The following MAP7 variants were observed in gnomAD, a reference collection of about 807,000 sequenced individuals.
MAP7 encodes ensconsin.
A neutral mutation model predicts 94.8 loss-of-function variants in MAP7; 52 were observed. That is an observed-to-expected ratio of 0.55 (90% CI 0.44 to 0.69). The LOEUF is 0.69. MAP7 is among the 30% of genes least tolerant of loss of function. MAP7 has a pLI of 0.00. For missense variants in MAP7, 940 were observed against 964.6 expected, an observed-to-expected ratio of 0.97 and a Z score of 0.34; for synonymous variants, 350 against 357.0, an observed-to-expected ratio of 0.98 and a Z score of 0.22.
intron 1 of MAP7, among the ~76,000 whole-genome samples, chr6:136,516,895 G>C (rs1825022819): frequency 6.7e-6 from 1 of 150,340 alleles, no homozygotes; most frequent in Non-Finnish European, 1.5e-5. Context: ...ATTAGCATAG[G>C]ACATTGCCAT....
chr6:136,353,034 G>A (rs1319287682), intron 16 of MAP7, among the ~76,000 whole-genome samples: 1 of 152,148 alleles, frequency 6.6e-6, no homozygotes, highest in African/African-American at 2.4e-5. Context: ...GTCATATAAT[G>A]GGGACCAAAC....
At chr6:136,548,110 C>A (rs1442798538) in intron 1 of MAP7, among the ~76,000 whole-genome samples, 2 of 136,408 alleles carry the variant, frequency 1.5e-5, no homozygotes, top group African/African-American at 5.2e-5. Context: ...CCCCCCCACC[C>A]CCCCAACAAT....
intron 3 of MAP7, among the ~76,000 whole-genome samples, chr6:136,399,160 TGAG>T (rs1165922162): frequency 6.6e-6 from 1 of 152,292 alleles, no homozygotes; most frequent in Middle Eastern, 3.4e-3. Flanking sequence ...TGAGAACATC[TGAG>T]TTTGGGTCTT....
chr6:136,402,733 C>T lies in MAP7; in HGVS notation c.244+8887G>A, dbSNP rs368554561. On this transcript the variant is annotated intron_variant, in intron 3 of 17. Transcript: ENST00000354570. ...CATCCTGGCTAACACGGTGAAACCC[C>T]GTCTCTACTAAAAATACAAAAAATT... Among the ~76,000 whole-genome samples, 183 of 151,834 alleles carry T rather than the reference C, an allele frequency of 1.2e-3. 6 individuals carry two copies. The East Asian group carries it at 0.031, about 25-fold the overall frequency.
chr6:136,492,828 G>T (rs546541893), intron 1 of MAP7, among the ~76,000 whole-genome samples: 55 of 152,030 alleles, frequency 3.6e-4, no homozygotes, highest in Non-Finnish European at 5.4e-4. Flanking sequence ...TTACACCAAA[G>T]CCTGTTAGAG....
At chr6:136,398,251 C>A (rs1783066592) in intron 3 of MAP7, among the ~76,000 whole-genome samples, 1 of 152,202 alleles carries the variant, frequency 6.6e-6, no homozygotes, top group Non-Finnish European at 1.5e-5. Context: ...AAGCTATGTG[C>A]CACTGAACAA....
chr6:136,434,365 T>A (rs1340787542), intron 1 of MAP7, among the ~76,000 whole-genome samples: 2 of 150,408 alleles, frequency 1.3e-5, no homozygotes, highest in African/African-American at 4.9e-5. Flanking sequence ...TAATTTGTGA[T>A]CTGAAAATAT....
chr6:136,423,035 A>G (rs558331230), intron 1 of MAP7, among the ~76,000 whole-genome samples: 21 of 152,328 alleles, frequency 1.4e-4, no homozygotes, highest in Admixed American at 6.5e-4. Flanking sequence ...CCTAACTCAC[A>G]GAATTGTTGA....
intron 1 of MAP7, among the ~76,000 whole-genome samples, chr6:136,423,596 T>C (rs1268173697): frequency 1.3e-5 from 2 of 152,008 alleles, no homozygotes; most frequent in South Asian, 2.1e-4. Flanking sequence ...AGGATGAACT[T>C]ATTGATATGA....
chr6:136,443,068 C>A (rs1001341522), intron 1 of MAP7, among the ~76,000 whole-genome samples: 1 of 151,916 alleles, frequency 6.6e-6, no homozygotes, highest in African/African-American at 2.4e-5. Flanking sequence ...AATATGTATA[C>A]CCTAGAATTA....
intron 16 of MAP7, among the ~76,000 whole-genome samples, chr6:136,347,807 C>T (rs1286627196): frequency 6.6e-6 from 1 of 152,146 alleles, no homozygotes; most frequent in Non-Finnish European, 1.5e-5. Flanking sequence ...ATTATTAAAC[C>T]TTCCTTTTTT....
chr6:136,425,954 G>A (rs1793001923), intron 1 of MAP7, among the ~76,000 whole-genome samples: 1 of 152,072 alleles, frequency 6.6e-6, no homozygotes, highest in South Asian at 2.1e-4. Flanking sequence ...ATTATTAGGG[G>A]TATAATGTAT....
intron 1 of MAP7, among the ~76,000 whole-genome samples, chr6:136,473,010 T>G (rs1196379747): frequency 1.3e-5 from 2 of 152,212 alleles, no homozygotes; most frequent in Non-Finnish European, 2.9e-5. Context: ...ACAGAATGGA[T>G]GCACTTGCTA....
rs1830019202 is a variant in MAP7, at chr6:136,550,056, C to G, written c.67+286G>C. On this transcript the variant is annotated intron_variant, in intron 1 of 17. Coordinates refer to ENST00000354570, the MANE Select transcript of MAP7 (RefSeq NM_003980.6). This position sits in a 1 kb window ranked among gnomAD's most constrained non-coding sequence, Gnocchi z 5.1. ...GCAGCGGCCGGGGTCTCTCCGTTTC[C>G]TCCCCCGGCTCGCCTCCACCTGTTG... Among the ~76,000 whole-genome samples the G allele has an allele frequency of 6.6e-6, 1 of 151,710 alleles. No homozygotes were observed. The highest frequency in any genetic ancestry group is 6.6e-5 in the Admixed American group (1 of 15,256).
rs1180489876 is a variant in MAP7 at position 136,550,147 on chromosome 6, C to G, written c.67+195G>C. ...CCGGCCGGGGCCGAGCCGGGCTGGC[C>G]GAGCCGCGGCGGCGAAGGGCGGGGG... is the stretch of plus-strand genomic sequence containing the variant. On this transcript the variant is annotated intron_variant, in intron 1 of 17. Transcript: ENST00000354570. This position sits in a 1 kb window ranked among gnomAD's most constrained non-coding sequence, Gnocchi z 5.1. Among the ~76,000 whole-genome samples the G allele has an allele frequency of 6.6e-6, 1 of 150,736 alleles. No homozygotes were observed. Among genetic ancestry groups the G allele is most frequent in the Non-Finnish European group, 1.5e-5 (1 of 67,552 alleles).
At chr6:136,465,352 C>A (rs1225113021) in intron 1 of MAP7, among the ~76,000 whole-genome samples, 1 of 152,124 alleles carries the variant, frequency 6.6e-6, no homozygotes, top group Non-Finnish European at 1.5e-5. Flanking sequence ...TACTGAGTAA[C>A]CTCTATTTCA....
At chr6:136,527,340 ATTTT>A (rs1009652041) in intron 1 of MAP7, among the ~76,000 whole-genome samples, 1 of 151,958 alleles carries the variant, frequency 6.6e-6, no homozygotes, top group East Asian at 1.9e-4. Context: ...AAGAAAAAAC[ATTTT>A]TTTTGCTTTT....
intron 1 of MAP7, among the ~76,000 whole-genome samples, chr6:136,464,456 A>G (rs1450288566): frequency 6.6e-6 from 1 of 152,212 alleles, no homozygotes; most frequent in Admixed American, 6.5e-5. Context: ...GCTCTATTTT[A>G]TCATTAGCTA....
chr6:136,548,402 T>A (rs1009230790), intron 1 of MAP7, among the ~76,000 whole-genome samples: 22 of 152,064 alleles, frequency 1.4e-4, no homozygotes, highest in Admixed American at 1.0e-3. Context: ...AAAACATTAA[T>A]AGTAATCTTG....
Sources: allele counts gnomAD v4.1 joint callset (sites outside exome capture counted in the v4.1 genomes callset), GRCh38; gene constraint gnomAD v4.1.1; non-coding constraint Gnocchi (gnomAD v3.1); transcripts MANE v1.5; gene names NCBI Gene and HGNC (gene_info 2026-07-23, HGNC 2026-07-21).